PDE1A: variants seen among roughly 807,000 people sequenced by gnomAD.
PDE1A encodes phosphodiesterase 1A.
PDE1A carries 35 observed loss-of-function variants against 61.7 expected under a neutral mutation model. The ratio of observed to expected loss-of-function variants is 0.57; its 90% CI spans 0.43 to 0.75. The LOEUF is 0.75. Among genes scored for constraint, PDE1A ranks in the 30% least tolerant of loss-of-function variants. The probability of loss-of-function intolerance (pLI) is 0.00; values close to 1 mark genes in which losing one functional copy is unlikely to be tolerated. For missense variants in PDE1A, 597 were observed against 630.6 expected (o/e 0.95, Z 0.57); for synonymous variants, 232 against 213.2 (o/e 1.09, Z -0.77).
At chr2:182,178,141 G>A (rs900478478) in intron 13 of PDE1A, among the ~76,000 whole-genome samples, 1 of 152,102 alleles carries the variant, frequency 6.6e-6, no homozygotes, top group African/African-American at 2.4e-5. Flanking sequence ...AGGAGACACA[G>A]GGGTTGTTAC....
the PDE1A span, among the ~76,000 whole-genome samples, chr2:182,641,011 C>A: frequency 0.014 from 6 of 440 alleles, no homozygotes; most frequent in Non-Finnish European, 8.1e-3. Flanking sequence ...CAGAGTGAGA[C>A]TCCATCTCAA....
the PDE1A span, among the ~76,000 whole-genome samples, chr2:182,542,120 T>C: frequency 6.6e-6 from 1 of 152,144 alleles, no homozygotes; most frequent in Non-Finnish European, 1.5e-5. Context: ...ATTGCTTTTA[T>C]TAGATTATTT....
chr2:182,689,451 G>A, the PDE1A span, among the ~76,000 whole-genome samples: 1 of 152,028 alleles, frequency 6.6e-6, no homozygotes, highest in East Asian at 1.9e-4. Context: ...CAAAATGAAG[G>A]CAGAAATAAA....
At chr2:182,596,661 G>T in the PDE1A span, among the ~76,000 whole-genome samples, 8 of 147,352 alleles carry the variant, frequency 5.4e-5, no homozygotes, top group South Asian at 1.7e-3. Flanking sequence ...AATATGAACT[G>T]TCTGCATGAA....
At chr2:182,596,562 A>G in the PDE1A span, among the ~76,000 whole-genome samples, 2 of 152,240 alleles carry the variant, frequency 1.3e-5, no homozygotes, top group South Asian at 4.1e-4. Flanking sequence ...TATCTTTAAC[A>G]TAATATTCAC....
intron 2 of PDE1A, among the ~76,000 whole-genome samples, chr2:182,478,934 A>G (rs1387958227): frequency 6.6e-6 from 1 of 151,834 alleles, no homozygotes; most frequent in Non-Finnish European, 1.5e-5. Context: ...TCTCTTCTCA[A>G]AACTAAAATT....
intron 1 of PDE1A, among the ~76,000 whole-genome samples, chr2:182,367,368 A>G (rs1699892719): frequency 6.6e-6 from 1 of 152,074 alleles, no homozygotes; most frequent in African/African-American, 2.4e-5. Context: ...ATTACATGAT[A>G]CACTCAGTAA....
At chr2:182,218,160 A>G (rs974551581) in intron 7 of PDE1A, among the ~76,000 whole-genome samples, 2 of 150,494 alleles carry the variant, frequency 1.3e-5, no homozygotes, top group Non-Finnish European at 3.0e-5. Flanking sequence ...TCAGTAAACT[A>G]TCCCAAGAAC....
chr2:182,169,918 ACACG>A (rs1245896277), intron 13 of PDE1A, among the ~76,000 whole-genome samples: 2,707 of 89,938 alleles, frequency 0.03, 27 homozygotes, highest in Admixed American at 0.033. Context: ...ACACACACAC[ACACG>A]CACACACACA....
rs572819624 is a variant in PDE1A, at chr2:182,414,113, AGAG to A, written c.53+12462_53+12464del. ...ACCTAACAGAAGACAGTTGAGATTA[AGAG>A]AAGAGGTGTATTCACAAAGGACAGA... On this transcript the variant is annotated intron_variant, in intron 1 of 13. Transcript: ENST00000351439. Among the ~76,000 whole-genome samples the A allele has an allele frequency of 6.2e-4, 94 of 152,278 alleles. 2 individuals carry two copies. Among genetic ancestry groups the A allele is most frequent in the African/African-American group, 2.2e-3 (90 of 41,576 alleles).
intron 13 of PDE1A, among the ~76,000 whole-genome samples, chr2:182,172,389 G>T (rs1006286081): frequency 2.0e-5 from 3 of 152,000 alleles, no homozygotes; most frequent in Admixed American, 1.3e-4. Flanking sequence ...TTTTTGTAAT[G>T]ACTTAATTAG....
the PDE1A span, among the ~76,000 whole-genome samples, chr2:182,607,370 T>G: frequency 6.6e-6 from 1 of 152,182 alleles, no homozygotes; most frequent in African/African-American, 2.4e-5. Flanking sequence ...AAAGCCAAAG[T>G]ATGCCTGGAT....
intron 2 of PDE1A, among the ~76,000 whole-genome samples, chr2:182,457,484 G>A (rs190167828): frequency 2.0e-4 from 31 of 152,096 alleles, no homozygotes; most frequent in Admixed American, 5.9e-4. Context: ...AATTAAGTTT[G>A]TAGATGGTAA....
intron 1 of PDE1A, among the ~76,000 whole-genome samples, chr2:182,413,476 AATG>A (rs1157871729): frequency 6.6e-6 from 1 of 152,182 alleles, no homozygotes; most frequent in Non-Finnish European, 1.5e-5. Context: ...TTTTGTTAAG[AATG>A]ATAAGAAGTA....
intron 1 of PDE1A, among the ~76,000 whole-genome samples, chr2:182,332,159 T>C (rs1697456517): frequency 6.6e-6 from 1 of 152,214 alleles, no homozygotes. Context: ...GATACTTGTG[T>C]ATGGTTCACA....
the PDE1A span, among the ~76,000 whole-genome samples, chr2:182,534,908 CTTTAT>C: frequency 2.6e-3 from 392 of 152,012 alleles, no homozygotes; most frequent in Non-Finnish European, 4.5e-3. Flanking sequence ...TTACATGCAG[CTTTAT>C]TTTGTTTACT....
chr2:182,407,335 G>GTTTGT (rs57709904), intron 1 of PDE1A, among the ~76,000 whole-genome samples: 3 of 151,480 alleles, frequency 2.0e-5, no homozygotes, highest in Non-Finnish European at 4.4e-5. Context: ...GATAATTTGA[G>GTTTGT]TTTAAGTACA....
intron 2 of PDE1A, among the ~76,000 whole-genome samples, chr2:182,462,282 C>T (rs1027834669): frequency 5.9e-5 from 9 of 151,642 alleles, no homozygotes; most frequent in Non-Finnish European, 7.4e-5. Flanking sequence ...TGTGCACATG[C>T]ACCCTAGAAC....
intron 1 of PDE1A, among the ~76,000 whole-genome samples, chr2:182,276,524 G>A (rs749932320): frequency 2.6e-5 from 4 of 151,724 alleles, no homozygotes; most frequent in Non-Finnish European, 5.9e-5. Context: ...TGTTATCTTC[G>A]TAATCTGAGG....
Sources: gnomAD v4.1 joint callset for allele counts (sites outside exome capture counted in the v4.1 genomes callset) on GRCh38, gnomAD v4.1.1 for gene constraint, MANE v1.5 for transcripts, NCBI Gene and HGNC (gene_info 2026-07-23, HGNC 2026-07-21) for gene names.